The following KCNMA1 variants were observed in gnomAD, a reference collection of about 807,000 sequenced individuals.
KCNMA1 encodes the protein potassium calcium-activated channel subfamily M alpha 1.
Under a neutral mutation model 140.0 loss-of-function variants are expected in KCNMA1, and 29 were observed. The ratio of observed to expected loss-of-function variants is 0.21; its 90% confidence interval spans 0.15 to 0.28. KCNMA1 has a LOEUF of 0.28. Ranked by LOEUF, KCNMA1 falls within the 10% of genes least tolerant of loss-of-function variation. The pLI is 1.00. For synonymous variants in KCNMA1, 612 were observed against 611.9 expected (o/e 1.00, Z 0.00); for missense variants, 880 against 1,602.2 (o/e 0.55, Z 7.70).
chr10:77,481,016 A>G (rs1363415018), intron 1 of KCNMA1, among the ~76,000 whole-genome samples: 1 of 150,768 alleles, frequency 6.6e-6, no homozygotes, highest in Non-Finnish European at 1.5e-5. Context: ...GCTACTTGGG[A>G]GGCTAAGGCA....
chr10:77,135,892 G>A (rs2098008985), intron 5 of KCNMA1, among the ~76,000 whole-genome samples: 1 of 152,140 alleles, frequency 6.6e-6, no homozygotes, highest in South Asian at 2.1e-4. Context: ...GATATCTACT[G>A]TATTACATGG....
intron 16 of KCNMA1, among the ~76,000 whole-genome samples, chr10:77,021,509 C>T (rs2092845793): frequency 6.6e-6 from 1 of 152,162 alleles, no homozygotes; most frequent in Non-Finnish European, 1.5e-5. Context: ...CAGGAGGTGC[C>T]CTATTGGCAT....
At position 77,058,670 on chromosome 10, in the gene KCNMA1, A is replaced by G. The variant is rs372859683; in HGVS notation, c.1749+14427T>C. 5.3e-5 allele frequency among the ~76,000 whole-genome samples: 8 copies of G among 152,114 alleles called. No individual in the cohort carries two copies. In the East Asian group the frequency reaches 1.3e-3, roughly 26 times the overall value. On this transcript the variant is annotated intron_variant, in intron 14 of 27. Coordinates refer to ENST00000286628, the MANE Select transcript of KCNMA1 (RefSeq NM_001161352.2). ...ACACTTCTAAATAATTCATGGATCA[A>G]AGAAGTTTCATGTGAAATTAGAAAA...
chr10:77,307,620 C>G (rs2078124671), intron 2 of KCNMA1, among the ~76,000 whole-genome samples: 1 of 152,154 alleles, frequency 6.6e-6, no homozygotes, highest in Admixed American at 6.5e-5. Context: ...GATCTTGGCT[C>G]ACTGCAAGCT....
intron 23 of KCNMA1, among the ~76,000 whole-genome samples, chr10:76,933,017 T>C (rs2059656777): frequency 6.6e-6 from 1 of 152,094 alleles, no homozygotes; most frequent in Non-Finnish European, 1.5e-5. Flanking sequence ...GAGCTATTAG[T>C]AAAGGTTAAG....
chr10:77,076,586 G>A (rs544821789), intron 13 of KCNMA1, among the ~76,000 whole-genome samples: 2 of 152,330 alleles, frequency 1.3e-5, no homozygotes, highest in East Asian at 3.9e-4. Context: ...TGGCTGCAGA[G>A]TGGTGGCCAT....
At chr10:77,308,102 A>C (rs1445612954) in intron 2 of KCNMA1, among the ~76,000 whole-genome samples, 1 of 152,186 alleles carries the variant, frequency 6.6e-6, no homozygotes, top group African/African-American at 2.4e-5. Context: ...TATCAGAGAA[A>C]GAAGTGAATT....
At chr10:77,185,393 C>A (rs928617218) in intron 3 of KCNMA1, among the ~76,000 whole-genome samples, 8 of 151,988 alleles carry the variant, frequency 5.3e-5, no homozygotes, top group Admixed American at 4.6e-4. Flanking sequence ...GTGTTTTGGA[C>A]CTTTTAAAAA....
intron 2 of KCNMA1, among the ~76,000 whole-genome samples, chr10:77,265,788 A>G (rs2063259638): frequency 6.6e-6 from 1 of 152,198 alleles, no homozygotes; most frequent in Non-Finnish European, 1.5e-5. Context: ...AAACAAAAAT[A>G]CATAGGCTTA....
At chr10:77,456,347 G>A (rs971739118) in intron 1 of KCNMA1, among the ~76,000 whole-genome samples, 4 of 152,112 alleles carry the variant, frequency 2.6e-5, no homozygotes, top group Non-Finnish European at 4.4e-5. Flanking sequence ...CAGGACCTCC[G>A]GAGAGAAACC....
intron 1 of KCNMA1, among the ~76,000 whole-genome samples, chr10:77,615,236 G>C (rs1415233087): frequency 1.3e-5 from 2 of 152,104 alleles, no homozygotes; most frequent in African/African-American, 4.8e-5. Flanking sequence ...AGGTGCCTCT[G>C]GTCCATTCAC....
At chr10:76,969,102 G>T (rs1292320495) in intron 20 of KCNMA1, among the ~76,000 whole-genome samples, 1 of 152,044 alleles carries the variant, frequency 6.6e-6, no homozygotes, top group Non-Finnish European at 1.5e-5. Flanking sequence ...AAAAAATGCT[G>T]GGATTGGCAG....
intron 13 of KCNMA1, among the ~76,000 whole-genome samples, chr10:77,079,270 C>CA (rs1185946279): frequency 5.4e-5 from 8 of 148,236 alleles, no homozygotes; most frequent in Non-Finnish European, 1.0e-4. Flanking sequence ...GACTCCATCC[C>CA]AAAAAAAAAG....
At chr10:76,895,717 T>C (rs774572813) in intron 25 of KCNMA1, among the ~76,000 whole-genome samples, 5 of 152,212 alleles carry the variant, frequency 3.3e-5, no homozygotes, top group African/African-American at 4.8e-5. Flanking sequence ...CATTCGTTTC[T>C]ATTTCCTTAA....
chr10:77,026,394 G>C (rs1051088416), intron 16 of KCNMA1, among the ~76,000 whole-genome samples: 1 of 152,172 alleles, frequency 6.6e-6, no homozygotes, highest in East Asian at 1.9e-4. Context: ...TCGCAACACG[G>C]GGAATATCAT....
chr10:77,023,733 A>G (rs891759387), intron 16 of KCNMA1, among the ~76,000 whole-genome samples: 6 of 152,180 alleles, frequency 3.9e-5, no homozygotes, highest in Admixed American at 6.5e-5. Context: ...CTCAAATCTT[A>G]TCACCTTTCT....
intron 1 of KCNMA1, among the ~76,000 whole-genome samples, chr10:77,473,256 C>G (rs2098205658): frequency 6.6e-6 from 1 of 152,246 alleles, no homozygotes; most frequent in African/African-American, 2.4e-5. Flanking sequence ...AGAATTACAG[C>G]TATCCCCAGG....
intron 20 of KCNMA1, 133 bp downstream of exon 20, chr10:76,969,841 C>G (rs149898820): frequency 2.8e-6 from 2 of 713,086 alleles, no homozygotes; most frequent in Admixed American, 2.1e-5. Flanking sequence ...AGCCATCTAA[C>G]GATCTCGCTC....
intron 23 of KCNMA1, among the ~76,000 whole-genome samples, chr10:76,942,561 A>G (rs1276991936): frequency 1.3e-5 from 2 of 152,250 alleles, no homozygotes; most frequent in Non-Finnish European, 2.9e-5. Context: ...AAAAGAATAA[A>G]GAAGGCTTTT....
Sources: gnomAD v4.1 joint callset for allele counts (sites outside exome capture counted in the v4.1 genomes callset) on GRCh38, gnomAD v4.1.1 for gene constraint, MANE v1.5 for transcripts, NCBI Gene and HGNC (gene_info 2026-07-23, HGNC 2026-07-21) for gene names.